PCDH15: variants seen among roughly 807,000 people sequenced by gnomAD.
PCDH15 encodes the protein protocadherin related 15.
Under a neutral mutation model 178.5 loss-of-function variants are expected in PCDH15, and 129 were observed. That is an observed-to-expected ratio of 0.72 (90% confidence interval 0.63 to 0.84). The LOEUF (loss-of-function observed/expected upper bound fraction) is 0.84. Ranked by LOEUF, PCDH15 falls within the 40% of genes least tolerant of loss-of-function variation. The pLI, the probability that PCDH15 is intolerant of heterozygous loss-of-function variation, is 0.00. For missense variants in PCDH15, 2,230 were observed against 2,099.9 expected, an observed-to-expected ratio of 1.06 and a Z score of -1.21; for synonymous variants, 800 against 732.0, an observed-to-expected ratio of 1.09 and a Z score of -1.50.
At chr10:54,861,570 G>A (rs112917336) in intron 3 of PCDH15, among the ~76,000 whole-genome samples, 11 of 152,054 alleles carry the variant, frequency 7.2e-5, no homozygotes, top group Non-Finnish European at 2.9e-5. Context: ...GGCCATATAT[G>A]ACAAATCCAC....
rs371689224 is a variant in PCDH15, at chr10:55,491,383, T to C, written c.-156+136242A>G. The stretch of plus-strand genomic sequence containing the variant: ...TGTCCACGTAAGGTGAGATTCTACA[T>C]CAGTCACAGCATGCTGAGAATATTG... On this transcript the variant is annotated intron_variant, in intron 2 of 5. Coordinates refer to the PCDH15 transcript ENST00000613346. Among the ~76,000 whole-genome samples, 37 of 151,798 alleles carry C rather than the reference T, an allele frequency of 2.4e-4. 1 individual carries two copies. Among genetic ancestry groups the C allele is most frequent in the African/African-American group, 8.2e-4 (34 of 41,474 alleles).
At chr10:55,519,303 C>T (rs200280576) in intron 2 of PCDH15, among the ~76,000 whole-genome samples, 2 of 139,284 alleles carry the variant, frequency 1.4e-5, no homozygotes, top group Non-Finnish European at 3.0e-5. Flanking sequence ...AAAAAAAACC[C>T]AATAGATTAT....
At chr10:53,878,180 G>GACAC (rs1465528242) in intron 26 of PCDH15, among the ~76,000 whole-genome samples, 1 of 32,646 alleles carries the variant, frequency 3.1e-5, no homozygotes, top group African/African-American at 2.0e-4. Flanking sequence ...GCTATACTAT[G>GACAC]GCACACACAC....
intron 2 of PCDH15, among the ~76,000 whole-genome samples, chr10:55,077,051 A>G (rs1591883983): frequency 6.6e-6 from 1 of 150,736 alleles, no homozygotes; most frequent in South Asian, 2.1e-4. Flanking sequence ...ACAGGCATGA[A>G]CCACCACGCC....
chr10:55,339,217 C>A (rs1370868653), intron 2 of PCDH15, among the ~76,000 whole-genome samples: 1 of 152,092 alleles, frequency 6.6e-6, no homozygotes, highest in Non-Finnish European at 1.5e-5. Context: ...TTAATTATTA[C>A]ATACTGTATG....
intron 2 of PCDH15, among the ~76,000 whole-genome samples, chr10:55,382,698 T>C (rs995120943): frequency 5.9e-5 from 9 of 152,160 alleles, no homozygotes; most frequent in Non-Finnish European, 8.8e-5. Context: ...CAAATTCAGT[T>C]CCTGTGGCCA....
intron 2 of PCDH15, among the ~76,000 whole-genome samples, chr10:55,126,224 C>G (rs193053890): frequency 6.6e-6 from 1 of 152,094 alleles, no homozygotes; most frequent in African/African-American, 2.4e-5. Flanking sequence ...TTTTGTTATC[C>G]CACCCTTTCC....
At chr10:53,965,704 T>A (rs927949865) in intron 21 of PCDH15, among the ~76,000 whole-genome samples, 2 of 152,168 alleles carry the variant, frequency 1.3e-5, no homozygotes, top group Admixed American at 6.5e-5. Context: ...AGAGGATAAT[T>A]ATAGCACCAA....
chr10:54,257,403 C>CTTTTTTTTTTTTTTT (rs71461225), intron 8 of PCDH15, among the ~76,000 whole-genome samples: 1 of 126,024 alleles, frequency 7.9e-6, no homozygotes, highest in African/African-American at 2.9e-5. Context: ...GAATTGTCTT[C>CTTTTTTTTTTTTTTT]TTTTTTTTTT....
At chr10:54,020,716 C>T (rs1190622382) in intron 19 of PCDH15, among the ~76,000 whole-genome samples, 3 of 151,680 alleles carry the variant, frequency 2.0e-5, no homozygotes, top group African/African-American at 4.8e-5. Flanking sequence ...GACGTTATTA[C>T]TGTATCTGTT....
chr10:54,245,169 A>G (rs1296519571), intron 8 of PCDH15, among the ~76,000 whole-genome samples: 3 of 152,214 alleles, frequency 2.0e-5, no homozygotes, highest in Admixed American at 2.0e-4. Flanking sequence ...TGAAACATAT[A>G]TAACAAAGTA....
intron 26 of PCDH15, among the ~76,000 whole-genome samples, chr10:53,879,203 C>T (rs1377938916): frequency 6.6e-6 from 1 of 151,872 alleles, no homozygotes; most frequent in Admixed American, 6.6e-5. Context: ...TTTTCTGAAT[C>T]GTCTTTGGAT....
At chr10:54,489,056 G>A (rs1455621824) in intron 3 of PCDH15, among the ~76,000 whole-genome samples, 1 of 152,000 alleles carries the variant, frequency 6.6e-6, no homozygotes, top group Non-Finnish European at 1.5e-5. Flanking sequence ...CTTCTGACAT[G>A]AATGGCTCAC....
intron 2 of PCDH15, among the ~76,000 whole-genome samples, chr10:54,636,871 C>T (rs1480715196): frequency 4.0e-5 from 6 of 151,864 alleles, no homozygotes; most frequent in Non-Finnish European, 7.4e-5. Flanking sequence ...GAAAACACAA[C>T]AAAATTTTCA....
intron 1 of PCDH15, among the ~76,000 whole-genome samples, chr10:55,263,547 C>A (rs1187227268): frequency 6.6e-6 from 1 of 151,978 alleles, no homozygotes. Context: ...AGGGAGAAAG[C>A]CCTGGTGGTA....
intron 21 of PCDH15, among the ~76,000 whole-genome samples, chr10:53,969,766 T>C (rs944078364): frequency 6.6e-6 from 1 of 152,138 alleles, no homozygotes; most frequent in African/African-American, 2.4e-5. Flanking sequence ...CTAAGCTTCA[T>C]AAGTGAAGGA....
chr10:54,031,143 CACAGTGGG>C (rs369662684), intron 18 of PCDH15, among the ~76,000 whole-genome samples: 5 of 152,188 alleles, frequency 3.3e-5, no homozygotes, highest in African/African-American at 1.2e-4. Flanking sequence ...CATTCCCTCA[CACAGTGGG>C]ACAGTGATAA....
intron 2 of PCDH15, among the ~76,000 whole-genome samples, chr10:55,447,340 G>C (rs933439079): frequency 6.6e-6 from 1 of 151,976 alleles, no homozygotes; most frequent in African/African-American, 2.4e-5. Flanking sequence ...CTATATCCAG[G>C]CAATTTATAC....
chr10:55,564,558 A>T (rs1243058175), intron 2 of PCDH15, among the ~76,000 whole-genome samples: 3 of 151,642 alleles, frequency 2.0e-5, no homozygotes, highest in Non-Finnish European at 4.4e-5. Context: ...CAAACAAAAG[A>T]CTGATACTGG....
Sources: allele counts gnomAD v4.1 joint callset (sites outside exome capture counted in the v4.1 genomes callset), GRCh38; gene constraint gnomAD v4.1.1; transcripts MANE v1.5; gene names NCBI Gene and HGNC (gene_info 2026-07-23, HGNC 2026-07-21).